Variants in CTNNA3 observed in about 807,000 individuals in gnomAD.
CTNNA3 encodes catenin alpha 3.
A neutral mutation model predicts 95.7 loss-of-function variants in CTNNA3; 76 were observed. The observed-to-expected ratio is 0.79, with a 90% confidence interval of 0.66 to 0.96. CTNNA3 has a LOEUF of 0.96. Ranked by LOEUF, CTNNA3 falls within the 40% of genes least tolerant of loss-of-function variation. CTNNA3 has a pLI of 0.00. For missense variants in CTNNA3, 1,191 were observed against 1,089.8 expected (o/e 1.09, Z -1.31); for synonymous variants, 431 against 374.4 (o/e 1.15, Z -1.74).
At chr10:67,362,995 A>T (rs889681128) in intron 5 of CTNNA3, among the ~76,000 whole-genome samples, 1 of 151,954 alleles carries the variant, frequency 6.6e-6, no homozygotes, top group Non-Finnish European at 1.5e-5. Context: ...CAAGAACACA[A>T]TCCTATTTAT....
At chr10:67,137,480 CA>C (rs1860354908) in intron 7 of CTNNA3, among the ~76,000 whole-genome samples, 1 of 152,106 alleles carries the variant, frequency 6.6e-6, no homozygotes, top group Non-Finnish European at 1.5e-5. Flanking sequence ...AATTTCATAT[CA>C]GAGGCACAAG....
At chr10:66,474,965 T>A (rs924067185) in intron 11 of CTNNA3, among the ~76,000 whole-genome samples, 2 of 152,052 alleles carry the variant, frequency 1.3e-5, no homozygotes, top group African/African-American at 4.8e-5. Context: ...TTCTGGATAT[T>A]AACCCCTTGT....
chr10:67,637,577 T>C (rs770799660), intron 2 of CTNNA3, among the ~76,000 whole-genome samples: 5 of 151,908 alleles, frequency 3.3e-5, no homozygotes, highest in Admixed American at 6.6e-5. Flanking sequence ...TTCACCAAAG[T>C]TGAAATGAAG....
intron 13 of CTNNA3, among the ~76,000 whole-genome samples, chr10:66,141,259 T>G (rs2083602551): frequency 6.7e-6 from 1 of 149,592 alleles, no homozygotes; most frequent in Admixed American, 6.7e-5. Context: ...AGACTCTGTC[T>G]CAGATTAAAA....
At chr10:66,028,288 A>G (rs1043296703) in intron 15 of CTNNA3, among the ~76,000 whole-genome samples, 1 of 152,368 alleles carries the variant, frequency 6.6e-6, no homozygotes, top group South Asian at 2.1e-4. Flanking sequence ...CTATAAAGAC[A>G]CATGCACACA....
chr10:67,032,786 G>A (rs541158708), intron 7 of CTNNA3, among the ~76,000 whole-genome samples: 1 of 152,186 alleles, frequency 6.6e-6, no homozygotes, highest in South Asian at 2.1e-4. Context: ...TTTTTTATGT[G>A]TTCTCAGTTC....
At position 67,025,757 on chromosome 10, in the gene CTNNA3, G is replaced by T. The variant is rs991016432; in HGVS notation, c.1047+154560C>A. ...CAAGTTATAATGCCCATTAACATAT[G>T]TTCTTAATTTTTACTCAAATACTGA... is the stretch of plus-strand genomic sequence containing the variant. On this transcript the variant is annotated intron_variant, in intron 7 of 17. Transcript: ENST00000433211. Among the ~76,000 whole-genome samples the T allele has an allele frequency of 1.1e-4, 16 of 152,126 alleles. No homozygotes were observed. In the South Asian group the frequency reaches 3.3e-3, roughly 32 times the overall value.
chr10:65,992,657 G>C (rs996767406), intron 15 of CTNNA3, among the ~76,000 whole-genome samples: 2 of 151,842 alleles, frequency 1.3e-5, no homozygotes, highest in Non-Finnish European at 2.9e-5. Flanking sequence ...CTTGCTAGCA[G>C]GTTATTTAAT....
At chr10:66,219,894 CG>C (rs2088819748) in intron 13 of CTNNA3, among the ~76,000 whole-genome samples, 1 of 152,078 alleles carries the variant, frequency 6.6e-6, no homozygotes, top group Non-Finnish European at 1.5e-5. Flanking sequence ...GAGGCTGAGG[CG>C]GGCGGCTCCT....
intron 13 of CTNNA3, among the ~76,000 whole-genome samples, chr10:66,174,329 C>G (rs1003596094): frequency 2.6e-5 from 4 of 151,900 alleles, no homozygotes; most frequent in African/African-American, 9.7e-5. Context: ...ATAACTACTA[C>G]CAAATTTTTA....
At chr10:67,031,445 G>A (rs1012696613) in intron 7 of CTNNA3, among the ~76,000 whole-genome samples, 9 of 152,146 alleles carry the variant, frequency 5.9e-5, no homozygotes, top group African/African-American at 2.2e-4. Context: ...TATCACTAAT[G>A]TATTGAATTA....
chr10:66,014,636 T>C (rs894820628), intron 15 of CTNNA3, among the ~76,000 whole-genome samples: 2 of 152,210 alleles, frequency 1.3e-5, no homozygotes, highest in African/African-American at 4.8e-5. Flanking sequence ...ATGTTTTCCA[T>C]GTTTCCACTG....
chr10:66,317,467 T>G (rs1444876830), intron 12 of CTNNA3, among the ~76,000 whole-genome samples: 2 of 151,266 alleles, frequency 1.3e-5, no homozygotes, highest in Non-Finnish European at 3.0e-5. Flanking sequence ...AGGTCAGGAG[T>G]TCAAGACCAG....
intron 5 of CTNNA3, among the ~76,000 whole-genome samples, chr10:67,470,570 A>G (rs897998016): frequency 2.0e-5 from 3 of 152,170 alleles, no homozygotes; most frequent in African/African-American, 7.2e-5. Flanking sequence ...TTGTCTAGAC[A>G]TACAGACTGC....
chr10:67,540,873 C>T (rs937950371), intron 3 of CTNNA3, among the ~76,000 whole-genome samples: 9 of 151,882 alleles, frequency 5.9e-5, no homozygotes, highest in Admixed American at 2.6e-4. Context: ...ACAGTGTGTA[C>T]TCTGGAGCCA....
At position 67,564,650 on chromosome 10, in the gene CTNNA3, T is replaced by C. The variant is rs528978297; in HGVS notation, c.293-24981A>G. Among the ~76,000 whole-genome samples the C allele has an allele frequency of 4.1e-3, 508 of 125,248 alleles. 11 individuals are homozygous for C. The highest frequency in any genetic ancestry group is 6.7e-3 in the Non-Finnish European group (410 of 61,390). 82.2% of individuals were successfully genotyped at this position (125,248 alleles called of 152,430 possible). A position where few individuals can be genotyped will look rare whatever the true frequency, so the allele number is the denominator to read the frequency against. On this transcript the variant is annotated intron_variant, in intron 3 of 17. Coordinates refer to ENST00000433211, the MANE Select transcript of CTNNA3 (RefSeq NM_013266.4). ...TAGAACTTAAAGTATAACAACTGTA[T>C]ATATATGCATATATGTGTGTGTGTG... is the stretch of plus-strand genomic sequence containing the variant.
chr10:66,027,565 T>C (rs2079367762), intron 15 of CTNNA3, among the ~76,000 whole-genome samples: 2 of 152,154 alleles, frequency 1.3e-5, no homozygotes, highest in African/African-American at 4.8e-5. Flanking sequence ...CTCATAATTG[T>C]CCCTTTCTTA....
intron 11 of CTNNA3, among the ~76,000 whole-genome samples, chr10:66,428,856 G>A (rs1410020462): frequency 6.6e-6 from 1 of 151,766 alleles, no homozygotes. Context: ...AGAAAAGCAA[G>A]AGCAAACACA....
intron 1 of CTNNA3, among the ~76,000 whole-genome samples, chr10:67,671,601 C>T (rs1329055986): frequency 1.3e-5 from 2 of 150,896 alleles, no homozygotes; most frequent in African/African-American, 2.5e-5. Flanking sequence ...TGAGTGAGAA[C>T]ATGCGGTGTT....
Sources: allele counts gnomAD v4.1 joint callset (sites outside exome capture counted in the v4.1 genomes callset), GRCh38; gene constraint gnomAD v4.1.1; transcripts MANE v1.5; gene names NCBI Gene and HGNC (gene_info 2026-07-23, HGNC 2026-07-21).